The following SMOC1 variants were observed in gnomAD, a reference collection of about 807,000 sequenced individuals.
The protein encoded by SMOC1 is SPARC-related modular calcium-binding protein 1.
A neutral mutation model predicts 56.3 loss-of-function variants in SMOC1; 22 were observed. The ratio of observed to expected loss-of-function variants is 0.39; its 90% CI spans 0.28 to 0.56. The LOEUF (loss-of-function observed/expected upper bound fraction) is 0.56, where lower values mean the gene tolerates loss of function less well. Among genes scored for constraint, SMOC1 ranks in the 20% least tolerant of loss-of-function variants. SMOC1 has a pLI of 0.61. For synonymous variants in SMOC1, 193 were observed against 215.0 expected (o/e 0.90, Z 0.89); for missense variants, 509 against 565.4 (o/e 0.90, Z 1.01).
intron 3 of SMOC1, among the ~76,000 whole-genome samples, chr14:69,958,105 T>C (rs1033507199): frequency 2.0e-5 from 3 of 152,142 alleles, no homozygotes; most frequent in African/African-American, 7.2e-5. Flanking sequence ...TAAACAAAAC[T>C]AAAAGCAAAA....
At chr14:69,937,284 G>A (rs74464046) in intron 1 of SMOC1, among the ~76,000 whole-genome samples, 1 of 152,258 alleles carries the variant, frequency 6.6e-6, no homozygotes, top group African/African-American at 2.4e-5. Context: ...CATGTTTGAG[G>A]GAAATCTGAC....
In SMOC1 at chr14:70,031,448, G is replaced by A. The variant is rs1886149328; in HGVS notation, c.*1190G>A. Reference sequence around the variant, plus strand: ...GGGGGAGGTGTCAGTCACCTTGTTGGTAACACTAAAGTTGTTTTGTTGGTT... The same window carrying A: ...GGGGGAGGTGTCAGTCACCTTGTTGATAACACTAAAGTTGTTTTGTTGGTT... On this transcript the variant is annotated 3_prime_UTR_variant, in exon 12 of 12. Coordinates refer to ENST00000361956, the MANE Select transcript of SMOC1 (RefSeq NM_001034852.3). 6.6e-6 allele frequency: 1 copy of A among 152,206 alleles called. No individual in the cohort carries two copies. The highest frequency in any genetic ancestry group is 2.1e-4 in the South Asian group (1 of 4,830). The allele number at this position is 152,206 out of a possible 1,614,324, so 9.4% of individuals were successfully genotyped here.
intron 1 of SMOC1, among the ~76,000 whole-genome samples, chr14:69,897,142 C>A (rs544799610): frequency 1.3e-5 from 2 of 152,236 alleles, no homozygotes; most frequent in South Asian, 4.2e-4. Context: ...TTTCTGGCCC[C>A]CCCTCCTCTC....
intron 5 of SMOC1, among the ~76,000 whole-genome samples, chr14:69,986,816 T>G (rs1004581651): frequency 6.6e-6 from 1 of 152,182 alleles, no homozygotes; most frequent in Non-Finnish European, 1.5e-5. Flanking sequence ...TCACTTCTTT[T>G]GGGAGGGAAC....
At chr14:69,881,424 C>CATAT (rs35230100) in intron 1 of SMOC1, among the ~76,000 whole-genome samples, 53,483 of 151,530 alleles carry the variant, frequency 0.35, 10,967 homozygotes, top group East Asian at 0.69. Context: ...AGTCTCAAGC[C>CATAT]ATATGGCTCT....
At chr14:69,897,041 C>A (rs892096564) in intron 1 of SMOC1, among the ~76,000 whole-genome samples, 1 of 152,184 alleles carries the variant, frequency 6.6e-6, no homozygotes, top group Non-Finnish European at 1.5e-5. Context: ...CTCATGATTT[C>A]TGGGATCAGG....
At chr14:69,977,379 T>C (rs1037353030) in intron 4 of SMOC1, among the ~76,000 whole-genome samples, 1 of 152,282 alleles carries the variant, frequency 6.6e-6, no homozygotes, top group Non-Finnish European at 1.5e-5. Context: ...TAGAAAATTG[T>C]TTCCATGCCT....
At chr14:69,998,168 A>G (rs1884839164) in intron 7 of SMOC1, among the ~76,000 whole-genome samples, 1 of 152,146 alleles carries the variant, frequency 6.6e-6, no homozygotes, top group African/African-American at 2.4e-5. Context: ...TCATGTGTTC[A>G]CTATAGTCAG....
intron 1 of SMOC1, among the ~76,000 whole-genome samples, chr14:69,942,926 C>T (rs928716201): frequency 3.9e-5 from 6 of 152,302 alleles, no homozygotes; most frequent in African/African-American, 1.4e-4. Context: ...GTTCTCCTCT[C>T]TCCTGCCTTC....
chr14:69,951,097 T>C (rs761668259), intron 1 of SMOC1, among the ~76,000 whole-genome samples: 8 of 152,230 alleles, frequency 5.3e-5, no homozygotes, highest in Non-Finnish European at 1.0e-4. Context: ...TCTGTCTGCA[T>C]GGTTTTGACA....
intron 1 of SMOC1, among the ~76,000 whole-genome samples, chr14:69,895,947 A>G (rs1246829314): frequency 6.7e-6 from 1 of 149,310 alleles, no homozygotes; most frequent in Admixed American, 6.7e-5. Flanking sequence ...CTTGGGGCTC[A>G]TATGATCCTA....
intron 3 of SMOC1, among the ~76,000 whole-genome samples, chr14:69,955,114 T>C (rs6573918): frequency 0.25 from 37,429 of 152,090 alleles, 5,163 homozygotes; most frequent in East Asian, 0.39. Flanking sequence ...GTAGGTGTCA[T>C]TATCCCCATT....
At chr14:70,006,803 C>T (rs1885162293) in intron 7 of SMOC1, among the ~76,000 whole-genome samples, 1 of 152,226 alleles carries the variant, frequency 6.6e-6, no homozygotes, top group South Asian at 2.1e-4. Flanking sequence ...AGCTGCTCCC[C>T]TTTCCTCACT....
intron 5 of SMOC1, among the ~76,000 whole-genome samples, chr14:69,991,895 C>T (rs1043087603): frequency 1.3e-5 from 2 of 152,094 alleles, no homozygotes; most frequent in Non-Finnish European, 2.9e-5. Flanking sequence ...AGTGGAGAAA[C>T]AGTGAGGAGA....
chr14:69,996,575 T>C (rs1884773771), intron 7 of SMOC1, among the ~76,000 whole-genome samples: 1 of 152,264 alleles, frequency 6.6e-6, no homozygotes, highest in South Asian at 2.1e-4. Context: ...TAGATGAGAA[T>C]AGGGTCATGT....
intron 7 of SMOC1, among the ~76,000 whole-genome samples, chr14:70,003,001 C>T (rs1286600458): frequency 3.9e-5 from 6 of 152,136 alleles, no homozygotes; most frequent in Non-Finnish European, 1.5e-5. Flanking sequence ...TCTCAGCCAC[C>T]CTACAGTTCT....
intron 10 of SMOC1, among the ~76,000 whole-genome samples, chr14:70,014,257 C>A (rs1293769565): frequency 2.0e-5 from 3 of 152,148 alleles, no homozygotes; most frequent in African/African-American, 7.2e-5. Context: ...TAGATACTTA[C>A]AAAATCTGTG....
At chr14:69,928,091 C>G (rs1276115) in intron 1 of SMOC1, among the ~76,000 whole-genome samples, 122,749 of 152,188 alleles carry the variant, frequency 0.81, 50,148 homozygotes, top group African/African-American at 0.89. Flanking sequence ...GGAAGCTTCA[C>G]ATCTGAGGCC....
At chr14:69,922,891 C>G (rs1041682403) in intron 1 of SMOC1, among the ~76,000 whole-genome samples, 1 of 151,836 alleles carries the variant, frequency 6.6e-6, no homozygotes, top group African/African-American at 2.4e-5. Context: ...CTGTTGACTT[C>G]TCTTCTCCCA....
Sources: allele counts gnomAD v4.1 joint callset (sites outside exome capture counted in the v4.1 genomes callset), GRCh38; gene constraint gnomAD v4.1.1; transcripts MANE v1.5; gene names NCBI Gene and HGNC (gene_info 2026-07-23, HGNC 2026-07-21).